The following PYCR1 variants were observed in gnomAD, a reference collection of about 807,000 sequenced individuals.
PYCR1 encodes pyrroline-5-carboxylate reductase 1, mitochondrial.
A neutral mutation model predicts 22.9 loss-of-function variants in PYCR1; 19 were observed. The ratio of observed to expected loss-of-function variants is 0.83; its 90% confidence interval spans 0.58 to 1.22. The LOEUF (loss-of-function observed/expected upper bound fraction) is 1.22, where lower values mean the gene tolerates loss of function less well. PYCR1 is among the 50% of genes most tolerant of loss of function. The probability of loss-of-function intolerance (pLI) is 0.00; values close to 1 mark genes in which losing one functional copy is unlikely to be tolerated. For synonymous variants in PYCR1, 175 were observed against 180.5 expected, an observed-to-expected ratio of 0.97 and a Z score of 0.24; for missense variants, 429 against 431.3, an observed-to-expected ratio of 0.99 and a Z score of 0.05.
At position 81,934,700 on chromosome 17, in the gene PYCR1, C is replaced by A. The variant is rs866826092; in HGVS notation, c.586G>T (p.Gly196Ter). 6.4e-7 allele frequency: 1 copy of A among 1,572,914 alleles called. No homozygotes were observed. The change falls in exon 5 of 7, where the codon GGA (glycine) becomes TGA (stop). Residue 196 changes from glycine (G) to a stop codon, truncating the protein, a stop_gained. Transcript: ENST00000329875. LOFTEE classifies it high-confidence loss of function. ...CGGACTGCCAGGCGCCTTGGAAGTCCCATCTTCACACCCCCATCAGCCAGG... is the reference window on the plus strand; with the variant it reads ...CGGACTGCCAGGCGCCTTGGAAGTCACATCTTCACACCCCCATCAGCCAGG... ...DALADGGVKMGLPRRLAVRLG... is the reference protein window; with the variant it reads ...DALADGGVKM
Position 81,933,034 on chromosome 17 carries a change from A to T in PYCR1, c.*180T>A. ...AATCCACCCCTGTTCTGGGCTGGGA[A>T]GCACTTGCAGACCACAGAGATTTCC... On this transcript the variant is annotated 3_prime_UTR_variant, in exon 7 of 7. Transcript: ENST00000329875. The T allele has an allele frequency of 6.3e-7, 1 of 1,578,804 alleles. No homozygotes were observed. The highest frequency in any genetic ancestry group is 2.3e-5 in the East Asian group (1 of 43,316).
At chr17:81,936,711 C>A in intron 1 of PYCR1, 37 bp downstream of exon 1, 4 of 1,571,892 alleles carry the variant, frequency 2.5e-6, no homozygotes, top group Non-Finnish European at 3.5e-6. Context: ...GCCAGTCTCT[C>A]CCACTGGGCC....
Position 81,932,432 on chromosome 17 carries a change from C to A in PYCR1, c.*782G>T. ...TTTTAATCAGTAAGGCAGATGCCCT[C>A]CAAGATGTGGGCGGGCCTTGTCTAA... On this transcript the variant is annotated 3_prime_UTR_variant, in exon 7 of 7. Coordinates refer to ENST00000329875, the MANE Select transcript of PYCR1 (RefSeq NM_006907.4). The A allele has an allele frequency of 4.3e-6, 1 of 234,628 alleles. No individual in the cohort carries two copies. The highest frequency in any genetic ancestry group is 8.6e-6 in the Non-Finnish European group (1 of 116,622). The allele number at this position is 234,628 out of a possible 1,614,324, so 14.5% of individuals were successfully genotyped here. A position where few individuals can be genotyped will look rare whatever the true frequency, so the allele number is the denominator to read the frequency against.
chr17:81,933,930 G>T (rs112570306), intron 6 of PYCR1, among the ~76,000 whole-genome samples: 1 of 152,222 alleles, frequency 6.6e-6, no homozygotes, highest in African/African-American at 2.4e-5. Flanking sequence ...ATGTTGCTGC[G>T]TGTCCTACTG....
rs780349588 is a variant in PYCR1, at chr17:81,936,828, C to A, written c.-14G>T. ...GCCCACGCTCATGCTGTCCGGAGAC[C>A]CCTGGCCCAAAGCCCCCACAGATGG... On this transcript the variant is annotated 5_prime_UTR_variant, in exon 1 of 7. Coordinates refer to ENST00000329875, the MANE Select transcript of PYCR1 (RefSeq NM_006907.4). The A allele has an allele frequency of 3.7e-6, 6 of 1,604,322 alleles. No individual in the cohort carries two copies. In the Admixed American group the frequency reaches 1.0e-4, roughly 27 times the overall value.
In PYCR1 at chr17:81,937,268, G is replaced by C. The variant is rs2041227760; in HGVS notation, c.-454C>G. 8.2e-7 allele frequency: 1 copy of C among 1,223,486 alleles called. No individual in the cohort carries two copies. Among genetic ancestry groups the C allele is most frequent in the Non-Finnish European group, 1.0e-6 (1 of 970,222 alleles). 75.8% of individuals were successfully genotyped at this position (1,223,486 alleles called of 1,614,324 possible). On this transcript the variant is annotated 5_prime_UTR_variant, in exon 1 of 7. Coordinates refer to ENST00000329875, the MANE Select transcript of PYCR1 (RefSeq NM_006907.4). ...GTGCGCGGGTCGTACCCACCCCTCAGCGCTGCGGCCGCCACGCGGCACCCG... is the reference window on the plus strand; with the variant it reads ...GTGCGCGGGTCGTACCCACCCCTCACCGCTGCGGCCGCCACGCGGCACCCG...
chr17:81,936,732 C>G lies in PYCR1; in HGVS notation c.67+16G>C. 1 of 1,599,024 alleles carries G rather than the reference C, an allele frequency of 6.3e-7. No individual in the cohort carries two copies. The highest frequency in any genetic ancestry group is 8.5e-7 in the Non-Finnish European group (1 of 1,174,006). ...CTCTCCCACTGGGCCTCACCGTCCC[C>G]CACCTGGGGGCCTACCTGCTGCTGT... On this transcript the variant is annotated intron_variant, in intron 1 of 6. Transcript: ENST00000329875.
chr17:81,936,123 C>T lies in PYCR1; in HGVS notation c.138G>A (p.Arg46=), dbSNP rs779976277. The change falls in exon 2 of 7, where the codon AGG becomes AGA. Residue 46 remains arginine, a splice_region_variant and synonymous_variant. Coordinates refer to ENST00000329875, the MANE Select transcript of PYCR1 (RefSeq NM_006907.4). ...DMDLATVSAL[R]KMGVKLTPHN... ...CTTTCTCCCTTTCATCTGCACCTAC[C>T]CTGAGAGCAGAAACTGTGGCCAGGT... 2 of 1,613,882 alleles carry T rather than the reference C, an allele frequency of 1.2e-6. No individual in the cohort carries two copies. The highest frequency in any genetic ancestry group is 1.7e-6 in the Non-Finnish European group (2 of 1,179,862).
chr17:81,936,652 G>C (rs2041203471), intron 1 of PYCR1, 96 bp downstream of exon 1: 1 of 1,383,536 alleles, frequency 7.2e-7, no homozygotes, highest in East Asian at 2.5e-5. Context: ...CTCAGGCCTT[G>C]TGACCCAGCA....
rs2041016699 is a variant in PYCR1, at chr17:81,932,574, A to C, written c.*640T>G. The C allele has an allele frequency of 2.4e-6, 1 of 425,398 alleles. No homozygotes were observed. Among genetic ancestry groups the C allele is most frequent in the East Asian group, 4.9e-5 (1 of 20,316 alleles). The allele number at this position is 425,398 out of a possible 1,614,324, so 26.4% of individuals were successfully genotyped here. On this transcript the variant is annotated 3_prime_UTR_variant, in exon 7 of 7. Transcript: ENST00000329875. ...ACTGGGGGCTGGAAACCAACTTATA[A>C]AACTGAAAGGGCCAGGACAGAACTG...
rs539429204 is a variant in PYCR1 at position 81,935,938 on chromosome 17, T to C, written c.138+185A>G. Reference sequence around the variant, plus strand: ...TCCATTCCAGAACAACACCCTCCTATCAGCTGTACACACGCCCACCACCCA... The same window carrying C: ...TCCATTCCAGAACAACACCCTCCTACCAGCTGTACACACGCCCACCACCCA... On this transcript the variant is annotated intron_variant, in intron 2 of 6. Coordinates refer to ENST00000329875, the MANE Select transcript of PYCR1 (RefSeq NM_006907.4). Among the ~76,000 whole-genome samples, 11 of 152,226 alleles carry C rather than the reference T, an allele frequency of 7.2e-5. No homozygotes were observed. The South Asian group carries it at 2.1e-3, about 29-fold the overall frequency.
At chr17:81,936,380 C>T (rs2041193938) in intron 1 of PYCR1, among the ~76,000 whole-genome samples, 187 bp from the exon 2 acceptor site, 1 of 152,182 alleles carries the variant, frequency 6.6e-6, no homozygotes, top group Non-Finnish European at 1.5e-5. Flanking sequence ...CGCCCGCCAC[C>T]ACACCCGGCT....
chr17:81,933,201 C>T lies in PYCR1; in HGVS notation c.*13G>A. On this transcript the variant is annotated 3_prime_UTR_variant, in exon 7 of 7. Coordinates refer to ENST00000329875, the MANE Select transcript of PYCR1 (RefSeq NM_006907.4). ...GAGAAGGTGGTGGCAGGATGGTGGT[C>T]AGGCAGGACGTGTCAATCCTTGCCC... 2 of 1,613,588 alleles carry T rather than the reference C, an allele frequency of 1.2e-6. No individual in the cohort carries two copies. The highest frequency in any genetic ancestry group is 1.7e-6 in the Non-Finnish European group (2 of 1,179,932).
Position 81,934,760 on chromosome 17 carries a change from C to G in PYCR1, c.541-15G>C. Reference sequence around the variant, plus strand: ...GCTGTGAATGCCTGTGGGGAGAAGGCACCCTGAGCCTCTCTCCTGGGCTTC... The same window carrying G: ...GCTGTGAATGCCTGTGGGGAGAAGGGACCCTGAGCCTCTCTCCTGGGCTTC... On this transcript the variant is annotated splice_polypyrimidine_tract_variant and intron_variant, in intron 4 of 6. Coordinates refer to ENST00000329875, the MANE Select transcript of PYCR1 (RefSeq NM_006907.4). 1 of 1,547,552 alleles carries G rather than the reference C, an allele frequency of 6.5e-7. No homozygotes were observed. Among genetic ancestry groups the G allele is most frequent in the South Asian group, 1.2e-5 (1 of 84,232 alleles).
At position 81,932,451 on chromosome 17, in the gene PYCR1, T is replaced by G. The variant is rs1262736777; in HGVS notation, c.*763A>C. Reference sequence around the variant, plus strand: ...TGCCCTCCAAGATGTGGGCGGGCCTTGTCTAATCAGTTGAAGGCCTCCACT... The same window carrying G: ...TGCCCTCCAAGATGTGGGCGGGCCTGGTCTAATCAGTTGAAGGCCTCCACT... On this transcript the variant is annotated 3_prime_UTR_variant, in exon 7 of 7. Coordinates refer to ENST00000329875, the MANE Select transcript of PYCR1 (RefSeq NM_006907.4). 3.8e-6 allele frequency: 1 copy of G among 266,432 alleles called. No individual in the cohort carries two copies. Among genetic ancestry groups the G allele is most frequent in the Non-Finnish European group, 7.4e-6 (1 of 134,928 alleles). 16.5% of individuals were successfully genotyped at this position (266,432 alleles called of 1,614,324 possible).
At chr17:81,935,201 C>G in intron 3 of PYCR1, 54 bp from the exon 4 acceptor site, 1 of 1,569,708 alleles carries the variant, frequency 6.4e-7, no homozygotes, top group Non-Finnish European at 8.6e-7. Flanking sequence ...CCTAGATGCA[C>G]TCACCCCACC....
chr17:81,934,920 C>A lies in PYCR1; in HGVS notation c.540+6G>T. 1 of 1,609,878 alleles carries A rather than the reference C, an allele frequency of 6.2e-7. No individual in the cohort carries two copies. The highest frequency in any genetic ancestry group is 1.3e-5 in the African/African-American group (1 of 74,986). On this transcript the variant is annotated splice_donor_region_variant and intron_variant, in intron 4 of 6. Coordinates refer to ENST00000329875, the MANE Select transcript of PYCR1 (RefSeq NM_006907.4). ...CGCCGCCGCCAGCTTCCCCCGCAGTCCTTACGTAGGCGGGGCCGCTGCCAC... is the reference window on the plus strand; with the variant it reads ...CGCCGCCGCCAGCTTCCCCCGCAGTACTTACGTAGGCGGGGCCGCTGCCAC...
Position 81,937,000 on chromosome 17 carries a change from C to T in PYCR1, c.-186G>A. On this transcript the variant is annotated 5_prime_UTR_variant, in exon 1 of 7. Coordinates refer to ENST00000329875, the MANE Select transcript of PYCR1 (RefSeq NM_006907.4). ...ACTTTGCTGTCCGGCCCGTTAACTG[C>T]TTCGGGGCCCCCAGTCAGAGCGGCG... 6.8e-7 allele frequency: 1 copy of T among 1,468,902 alleles called. No homozygotes were observed. Among genetic ancestry groups the T allele is most frequent in the African/African-American group, 1.4e-5 (1 of 71,556 alleles). The allele number at this position is 1,468,902 out of a possible 1,614,324, so 91.0% of individuals were successfully genotyped here. A position where few individuals can be genotyped will look rare whatever the true frequency, so the allele number is the denominator to read the frequency against.
chr17:81,934,225 A>G (rs766090217), intron 6 of PYCR1, 101 bp downstream of exon 6: 1 of 1,526,948 alleles, frequency 6.5e-7, no homozygotes, highest in South Asian at 1.2e-5. Flanking sequence ...GCTGGAGCTC[A>G]ATACGTATCT....
Sources: gnomAD v4.1 joint callset for allele counts (sites outside exome capture counted in the v4.1 genomes callset) on GRCh38, gnomAD v4.1.1 for gene constraint, MANE v1.5 for transcripts, NCBI Gene and HGNC (gene_info 2026-07-23, HGNC 2026-07-21) for gene names.